The following GAS7 variants were observed in gnomAD, a reference collection of about 807,000 sequenced individuals.
The protein encoded by GAS7 is growth arrest-specific protein 7.
Under a neutral mutation model 71.1 loss-of-function variants are expected in GAS7, and 28 were observed. The observed-to-expected ratio is 0.39, with a 90% CI of 0.29 to 0.54. GAS7 has a LOEUF of 0.54. Ranked by LOEUF, GAS7 falls within the 20% of genes least tolerant of loss-of-function variation. GAS7 has a pLI of 0.62. For synonymous variants in GAS7, 258 were observed against 245.8 expected (o/e 1.05, Z -0.46); for missense variants, 436 against 627.8 (o/e 0.69, Z 3.27).
chr17:10,005,161 GTGCGCACGCATGCATGTATGTGTA>G (rs1385754594), intron 2 of GAS7, among the ~76,000 whole-genome samples: 1 of 31,288 alleles, frequency 3.2e-5, no homozygotes, highest in Non-Finnish European at 6.6e-5. Context: ...ATGCATGTGT[GTGCGCACGCATGCATGTATGTGTA>G]TGTGCACGCA....
At chr17:10,190,778 A>G (rs2074492194) in intron 1 of GAS7, among the ~76,000 whole-genome samples, 1 of 151,920 alleles carries the variant, frequency 6.6e-6, no homozygotes, top group Admixed American at 6.6e-5. Flanking sequence ...GAAAGAAGAA[A>G]AATTATATTG....
chr17:10,149,275 G>A (rs567697544), intron 1 of GAS7, among the ~76,000 whole-genome samples: 5 of 152,118 alleles, frequency 3.3e-5, no homozygotes, highest in East Asian at 3.9e-4. Flanking sequence ...ACTAATTTTT[G>A]TATTTTTAGT....
Position 9,912,002 on chromosome 17 carries a change from G to C in GAS7, c.*5226C>G, listed in dbSNP as rs993653664. 2 of 231,962 alleles carry C rather than the reference G, an allele frequency of 8.6e-6. No individual in the cohort carries two copies. The highest frequency in any genetic ancestry group is 2.2e-5 in the African/African-American group (1 of 45,282). 14.4% of individuals were successfully genotyped at this position (231,962 alleles called of 1,614,324 possible). On this transcript the variant is annotated 3_prime_UTR_variant, in exon 14 of 14. Coordinates refer to ENST00000432992, the MANE Select transcript of GAS7 (RefSeq NM_201433.2). ...TACAGGCCAGGCTGTGTGATCACCA[G>C]CTAGGCAAGGCTCCAGCTGCGACAA...
At chr17:9,989,792 C>T (rs572528962) in intron 2 of GAS7, among the ~76,000 whole-genome samples, 1 of 152,240 alleles carries the variant, frequency 6.6e-6, no homozygotes, top group African/African-American at 2.4e-5. Flanking sequence ...CGCAAATTAC[C>T]CCCAATTTAA....
chr17:10,026,520 A>G lies in GAS7; in HGVS notation c.184-6623T>C, dbSNP rs761703535. ...TCCCCAACCACGGAGGCAGCTGGACACCCAGAAGCAGCCAGGGCATGGCTG... is the reference window on the plus strand; with the variant it reads ...TCCCCAACCACGGAGGCAGCTGGACGCCCAGAAGCAGCCAGGGCATGGCTG... On this transcript the variant is annotated intron_variant, in intron 1 of 13. Transcript: ENST00000432992. The surrounding 1 kb of genome is among the most constrained non-coding windows in gnomAD (Gnocchi z 4.5). 2.0e-5 allele frequency among the ~76,000 whole-genome samples: 3 copies of G among 152,190 alleles called. No homozygotes were observed. The highest frequency in any genetic ancestry group is 4.4e-5 in the Non-Finnish European group (3 of 68,024).
Position 9,959,183 on chromosome 17 carries a change from C to A in GAS7, c.525+19G>T. 1 of 1,612,292 alleles carries A rather than the reference C, an allele frequency of 6.2e-7. No homozygotes were observed. The highest frequency in any genetic ancestry group is 1.8e-4 in the Middle Eastern group (1 of 5,676). The stretch of plus-strand genomic sequence containing the variant: ...CAGCTCGCAGCCCACCCTGAGGGCG[C>A]CCCTCGGGAGCCACTTACTGTGATG... On this transcript the variant is annotated intron_variant, in intron 5 of 13. Transcript: ENST00000432992. The surrounding 1 kb of genome is among the most constrained non-coding windows in gnomAD (Gnocchi z 5.0).
At chr17:10,053,639 T>C (rs1567570841) in intron 1 of GAS7, among the ~76,000 whole-genome samples, 2 of 152,076 alleles carry the variant, frequency 1.3e-5, no homozygotes, top group Non-Finnish European at 2.9e-5. Flanking sequence ...AGCCCACAGA[T>C]GCAAGTGCTG....
In GAS7 at chr17:9,926,746, G is replaced by A. The variant is rs936985251; in HGVS notation, c.909C>T (p.Pro303=). 1.2e-6 allele frequency: 2 copies of A among 1,613,866 alleles called. No homozygotes were observed. Among genetic ancestry groups the A allele is most frequent in the East Asian group, 2.2e-5 (1 of 44,870 alleles). The stretch of plus-strand genomic sequence containing the variant: ...TGAAGTTCTCACGGAAGTTCATCAG[G>A]GGCTTCTCCACCTCGCTGTGAAGCT... The part of the protein sequence containing the change: ...SAKLHSEVEK[P]LMNFRENFKK... Residue 303 remains proline (P), a synonymous_variant, in exon 10 of 14, where the codon CCC becomes CCT. Coordinates refer to ENST00000432992, the MANE Select transcript of GAS7 (RefSeq NM_201433.2). The surrounding 1 kb of genome is among the most constrained non-coding windows in gnomAD (Gnocchi z 5.0).
intron 1 of GAS7, among the ~76,000 whole-genome samples, chr17:10,164,848 G>GAA (rs755151597): frequency 0.12 from 13,048 of 105,886 alleles, 1,255 homozygotes; most frequent in East Asian, 0.42. Context: ...ATGAAAAAAG[G>GAA]AAAAAAAAAA....
At chr17:10,011,026 G>C (rs997652496) in intron 2 of GAS7, among the ~76,000 whole-genome samples, 1 of 152,242 alleles carries the variant, frequency 6.6e-6, no homozygotes, top group African/African-American at 2.4e-5. Context: ...CCCTGAGTTA[G>C]AGGATTTAGA....
chr17:9,933,198 A>C (rs1327271190), intron 9 of GAS7, among the ~76,000 whole-genome samples: 1 of 152,188 alleles, frequency 6.6e-6, no homozygotes, highest in Non-Finnish European at 1.5e-5. Context: ...TAAATCAATC[A>C]ATAAATAAAT....
intron 1 of GAS7, among the ~76,000 whole-genome samples, chr17:10,048,554 G>A (rs2152234412): frequency 6.6e-6 from 1 of 152,318 alleles, no homozygotes; most frequent in East Asian, 1.9e-4. Flanking sequence ...ACCCCACTGA[G>A]TTTAAAGCTT....
At chr17:10,156,220 C>G (rs1284307306) in intron 1 of GAS7, among the ~76,000 whole-genome samples, 1 of 152,174 alleles carries the variant, frequency 6.6e-6, no homozygotes, top group Non-Finnish European at 1.5e-5. Flanking sequence ...CCTGGGGAGC[C>G]CATTCTGGCA....
At chr17:10,025,718 T>G (rs2072440977) in intron 1 of GAS7, among the ~76,000 whole-genome samples, 1 of 151,990 alleles carries the variant, frequency 6.6e-6, no homozygotes, top group Admixed American at 6.6e-5. Flanking sequence ...TGAGTTCAAG[T>G]GCACACTCTG....
chr17:9,962,514 G>A (rs1049028201), intron 4 of GAS7, among the ~76,000 whole-genome samples: 4 of 152,164 alleles, frequency 2.6e-5, no homozygotes, highest in South Asian at 2.1e-4. Context: ...CCAAATCTGC[G>A]ACAATTTGAG....
chr17:10,157,889 C>A (rs1407348248), intron 1 of GAS7, among the ~76,000 whole-genome samples: 1 of 152,210 alleles, frequency 6.6e-6, no homozygotes, highest in Non-Finnish European at 1.5e-5. Flanking sequence ...CACCTGCAGT[C>A]CCAGCTACTC....
chr17:10,123,690 G>A (rs2073922407), intron 1 of GAS7, among the ~76,000 whole-genome samples: 1 of 152,196 alleles, frequency 6.6e-6, no homozygotes, highest in Non-Finnish European at 1.5e-5. Context: ...CCTAGAGCTT[G>A]CTCCCCCAAC....
chr17:10,106,699 G>A (rs954619712), intron 1 of GAS7, among the ~76,000 whole-genome samples: 2 of 152,022 alleles, frequency 1.3e-5, no homozygotes, highest in African/African-American at 2.4e-5. Context: ...GGGAGTGACC[G>A]ACTTGGCGAA....
chr17:10,151,058 C>G (rs1232953790), intron 1 of GAS7, among the ~76,000 whole-genome samples: 1 of 152,196 alleles, frequency 6.6e-6, no homozygotes, highest in Non-Finnish European at 1.5e-5. Flanking sequence ...AGCTTGACAC[C>G]CAGCAAGTGC....
Sources: allele counts gnomAD v4.1 joint callset (sites outside exome capture counted in the v4.1 genomes callset), GRCh38; gene constraint gnomAD v4.1.1; non-coding constraint Gnocchi (gnomAD v3.1); transcripts MANE v1.5; gene names NCBI Gene and HGNC (gene_info 2026-07-23, HGNC 2026-07-21).